Variants in PAFAH1B1 observed in about 807,000 individuals in gnomAD.
PAFAH1B1 encodes the protein platelet activating factor acetylhydrolase 1b regulatory subunit 1, also known as platelet-activating factor acetylhydrolase IB subunit beta.
Under a neutral mutation model 57.5 loss-of-function variants are expected in PAFAH1B1, and 2 were observed. The observed-to-expected ratio is 0.03, with a 90% CI of 0.01 to 0.11. The LOEUF (loss-of-function observed/expected upper bound fraction) is 0.11. Among genes scored for constraint, PAFAH1B1 ranks in the 10% least tolerant of loss-of-function variants. The pLI, the probability that PAFAH1B1 is intolerant of heterozygous loss-of-function variation, is 1.00. For synonymous variants in PAFAH1B1, 152 were observed against 169.6 expected (o/e 0.90, Z 0.81); for missense variants, 257 against 512.0 (o/e 0.50, Z 4.81).
intron 1 of PAFAH1B1, among the ~76,000 whole-genome samples, chr17:2,617,126 A>G (rs118129762): frequency 0.01 from 1,557 of 152,262 alleles, 9 homozygotes; most frequent in Non-Finnish European, 0.017. Flanking sequence ...GATATGACTT[A>G]TATTGTGTTA....
intron 2 of PAFAH1B1, among the ~76,000 whole-genome samples, chr17:2,650,510 T>TA (rs11385415): frequency 0.33 from 41,866 of 128,264 alleles, 7,391 homozygotes; most frequent in Middle Eastern, 0.37. Flanking sequence ...AGACTCCATC[T>TA]AAAAAAAAAA....
At chr17:2,672,362 T>C (rs2069196423) in intron 6 of PAFAH1B1, among the ~76,000 whole-genome samples, 1 of 150,822 alleles carries the variant, frequency 6.6e-6, no homozygotes, top group Non-Finnish European at 1.5e-5. Flanking sequence ...GAGGTAAGTA[T>C]ATGAATATAT....
At position 2,684,336 on chromosome 17, in the gene PAFAH1B1, C is replaced by T. The variant is rs2069436971; in HGVS notation, c.*2534C>T. ...TGACTGTGTTCTCTGTTTTCTCTGT[C>T]TGCTGTCTAACCCTGTGCCTTGCCT... On this transcript the variant is annotated 3_prime_UTR_variant, in exon 11 of 11. Coordinates refer to ENST00000397195, the MANE Select transcript of PAFAH1B1 (RefSeq NM_000430.4). 6.5e-6 allele frequency: 1 copy of T among 152,754 alleles called. No homozygotes were observed. The highest frequency in any genetic ancestry group is 2.4e-5 in the African/African-American group (1 of 41,440). The allele number at this position is 152,754 out of a possible 1,614,324, so 9.5% of individuals were successfully genotyped here.
chr17:2,604,098 C>T (rs556123699), intron 1 of PAFAH1B1, among the ~76,000 whole-genome samples: 3 of 151,444 alleles, frequency 2.0e-5, no homozygotes, highest in East Asian at 3.9e-4. Flanking sequence ...AGTGCAATGG[C>T]GTGATCTTGG....
chr17:2,668,933 G>A (rs889402834), intron 5 of PAFAH1B1, among the ~76,000 whole-genome samples: 5 of 151,448 alleles, frequency 3.3e-5, no homozygotes, highest in African/African-American at 9.7e-5. Flanking sequence ...CCAAGATCGC[G>A]CCACTGCACT....
intron 1 of PAFAH1B1, among the ~76,000 whole-genome samples, chr17:2,624,410 C>T (rs905698794): frequency 1.3e-5 from 2 of 152,158 alleles, no homozygotes; most frequent in East Asian, 3.8e-4. Context: ...GCTGCTGATA[C>T]AGACATACCC....
intron 6 of PAFAH1B1, 36 bp from the exon 7 acceptor site, chr17:2,672,619 T>A (rs953747698): frequency 2.2e-6 from 3 of 1,343,452 alleles, no homozygotes; most frequent in Non-Finnish European, 3.2e-6. Flanking sequence ...CTTGGTGGTA[T>A]ATTACTTCAT....
chr17:2,614,861 T>G (rs779551187), intron 1 of PAFAH1B1, among the ~76,000 whole-genome samples: 1 of 152,196 alleles, frequency 6.6e-6, no homozygotes, highest in Non-Finnish European at 1.5e-5. Context: ...GGGCAAAGAT[T>G]ATAGTGCACC....
intron 2 of PAFAH1B1, among the ~76,000 whole-genome samples, chr17:2,657,586 G>T (rs970244469): frequency 2.0e-5 from 3 of 152,176 alleles, no homozygotes; most frequent in African/African-American, 7.2e-5. Flanking sequence ...TAAACATTGA[G>T]ATCTCCATAA....
chr17:2,669,924 G>C (rs2069157922), intron 5 of PAFAH1B1, among the ~76,000 whole-genome samples: 1 of 152,156 alleles, frequency 6.6e-6, no homozygotes, highest in African/African-American at 2.4e-5. Context: ...AGTTGGTTAT[G>C]TGATAGAAAC....
At chr17:2,623,816 T>G (rs2151624928) in intron 1 of PAFAH1B1, among the ~76,000 whole-genome samples, 1 of 128,158 alleles carries the variant, frequency 7.8e-6, no homozygotes, top group African/African-American at 3.0e-5. Context: ...TTTTTGTGTT[T>G]TTAGTAGAGA....
intron 2 of PAFAH1B1, among the ~76,000 whole-genome samples, chr17:2,647,327 C>T (rs2068782684): frequency 6.6e-6 from 1 of 152,052 alleles, no homozygotes; most frequent in Non-Finnish European, 1.5e-5. Flanking sequence ...GATCGTGCCA[C>T]TGCACTTCAG....
chr17:2,676,585 T>A lies in PAFAH1B1; in HGVS notation c.981T>A (p.Thr327=). The A allele has an allele frequency of 6.2e-7, 1 of 1,608,356 alleles. No homozygotes were observed. The highest frequency in any genetic ancestry group is 8.5e-7 in the Non-Finnish European group (1 of 1,174,684). The change falls in exon 9 of 11, where the codon ACT becomes ACA. Residue 327 remains threonine (T), a synonymous_variant. Transcript: ENST00000397195. The stretch of plus-strand genomic sequence containing the variant: ...CTATTAAGATGTGGGATGTCAGTAC[T>A]GGCATGTGCCTTATGACCCTCGTAA... ...DKTIKMWDVS[T]GMCLMTLVGH... is the part of the protein sequence containing the mutation.
At chr17:2,673,824 G>T (rs2069220938) in intron 7 of PAFAH1B1, 1 of 494,610 alleles carries the variant, frequency 2.0e-6, no homozygotes, top group Admixed American at 3.4e-5. Flanking sequence ...AGTTTTGAAA[G>T]ATTTTATTTC....
At chr17:2,623,675 T>C in intron 1 of PAFAH1B1, among the ~76,000 whole-genome samples, 1 of 151,180 alleles carries the variant, frequency 6.6e-6, no homozygotes. Flanking sequence ...TCGCCCAGGC[T>C]GGACTGCAGT....
At position 2,652,247 on chromosome 17, in the gene PAFAH1B1, A is replaced by G. The variant is rs539130335; in HGVS notation, c.33-13125A>G. Among the ~76,000 whole-genome samples the G allele has an allele frequency of 1.3e-3, 199 of 151,978 alleles. 1 individual carries two copies. Among genetic ancestry groups the G allele is most frequent in the African/African-American group, 4.7e-3 (193 of 41,384 alleles). On this transcript the variant is annotated intron_variant, in intron 2 of 10. Transcript: ENST00000397195. The stretch of plus-strand genomic sequence containing the variant: ...AACACGGTGAAACCCCGTCTCTACT[A>G]AAAATACAAAAAAAAAAATTGGCCG...
rs113778991 is a variant in PAFAH1B1, at chr17:2,598,837, T to C, written c.-191+4831T>C. Among the ~76,000 whole-genome samples, 102 of 152,326 alleles carry C rather than the reference T, an allele frequency of 6.7e-4. 2 individuals are homozygous for C. The highest frequency in any genetic ancestry group is 2.4e-3 in the African/African-American group (99 of 41,584). ...GGCTTTTTGGATTGTTCTTTGTTGC[T>C]GGTTTGGCATGGCACTTTTTGGCTA... On this transcript the variant is annotated intron_variant, in intron 1 of 10. Transcript: ENST00000397195.
intron 1 of PAFAH1B1, among the ~76,000 whole-genome samples, chr17:2,634,449 T>A (rs968356290): frequency 6.6e-6 from 1 of 152,218 alleles, no homozygotes; most frequent in Non-Finnish European, 1.5e-5. Context: ...AACTTGGTTG[T>A]AAGCCAGAAA....
At chr17:2,624,114 A>G (rs1305548871) in intron 1 of PAFAH1B1, among the ~76,000 whole-genome samples, 12 of 152,190 alleles carry the variant, frequency 7.9e-5, no homozygotes, top group Non-Finnish European at 2.9e-5. Flanking sequence ...CTAAAACATA[A>G]TAAGAGTCAC....
Sources: allele counts gnomAD v4.1 joint callset (sites outside exome capture counted in the v4.1 genomes callset), GRCh38; gene constraint gnomAD v4.1.1; transcripts MANE v1.5; gene names NCBI Gene and HGNC (gene_info 2026-07-23, HGNC 2026-07-21).